Variants in DMD observed in about 807,000 individuals in gnomAD.
DMD encodes the protein mutant dystrophin.
DMD carries 63 observed loss-of-function variants against 330.1 expected under a neutral mutation model. The observed-to-expected ratio is 0.19, with a 90% CI of 0.16 to 0.24. The LOEUF is 0.24. Among genes scored for constraint, DMD ranks in the 10% least tolerant of loss-of-function variants. The probability of loss-of-function intolerance (pLI) is 1.00; values close to 1 mark genes in which losing one functional copy is unlikely to be tolerated. For synonymous variants in DMD, 1,223 were observed against 959.8 expected, an observed-to-expected ratio of 1.27 and a Z score of -5.07; for missense variants, 3,344 against 2,684.1, an observed-to-expected ratio of 1.25 and a Z score of -5.43.
At chrX:32,627,648 C>A (rs1261790847) in intron 11 of DMD, among the ~76,000 whole-genome samples, 1 of 110,617 alleles carries the variant, frequency 9.0e-6, no homozygotes, top group African/African-American at 3.3e-5. Flanking sequence ...CACAATCATG[C>A]AATATTGCCT....
intron 4 of DMD, among the ~76,000 whole-genome samples, chrX:32,833,838 C>G (rs1237165839): frequency 9.1e-6 from 1 of 109,961 alleles, no homozygotes; most frequent in Non-Finnish European, 1.9e-5. Context: ...TAATAGGTAA[C>G]TGGCTATCTC....
intron 44 of DMD, among the ~76,000 whole-genome samples, chrX:32,033,094 C>G (rs1178113364): frequency 8.9e-6 from 1 of 112,166 alleles, no homozygotes; most frequent in Non-Finnish European, 1.9e-5. Flanking sequence ...ATGGATGGAC[C>G]TTAAGATTAC....
intron 1 of DMD, among the ~76,000 whole-genome samples, chrX:33,325,470 C>A (rs758082052): frequency 8.9e-6 from 1 of 112,245 alleles, no homozygotes; most frequent in African/African-American, 3.2e-5. Flanking sequence ...CATCTCATAT[C>A]ATTTGATACA....
At chrX:32,005,567 T>G (rs2095655722) in intron 44 of DMD, among the ~76,000 whole-genome samples, 1 of 110,786 alleles carries the variant, frequency 9.0e-6, no homozygotes, top group Admixed American at 9.7e-5. Context: ...CTCAATGAGA[T>G]GTTCCCTAAC....
chrX:32,853,130 C>T (rs896226319), intron 2 of DMD, among the ~76,000 whole-genome samples: 6 of 112,105 alleles, frequency 5.4e-5, no homozygotes, highest in African/African-American at 1.9e-4. Flanking sequence ...AAATCTCCTT[C>T]CAACAAGAAA....
chrX:32,834,972 C>T (rs1267940012), intron 4 of DMD, among the ~76,000 whole-genome samples: 2 of 110,528 alleles, frequency 1.8e-5, no homozygotes, highest in East Asian at 2.8e-4. Flanking sequence ...TCTTGGGGAG[C>T]GGGGGGTAGT....
chrX:32,898,449 C>T (rs780284049), intron 2 of DMD, among the ~76,000 whole-genome samples: 1 of 112,251 alleles, frequency 8.9e-6, no homozygotes, highest in East Asian at 2.8e-4. Flanking sequence ...CGTTAAACAG[C>T]TATGTTTTAG....
chrX:33,012,923 A>G (rs949001425), intron 2 of DMD, among the ~76,000 whole-genome samples: 1 of 111,050 alleles, frequency 9.0e-6, no homozygotes, highest in Non-Finnish European at 1.9e-5. Flanking sequence ...TCAACTAAAA[A>G]ACTTCCTAAA....
intron 53 of DMD, among the ~76,000 whole-genome samples, chrX:31,676,953 C>T (rs756467798): frequency 3.8e-4 from 42 of 111,598 alleles, no homozygotes; most frequent in African/African-American, 1.4e-3. Flanking sequence ...TACATTGAAT[C>T]TGCAGCAATA....
At chrX:32,534,457 T>C (rs1194958301) in intron 17 of DMD, among the ~76,000 whole-genome samples, 1 of 111,356 alleles carries the variant, frequency 9.0e-6, no homozygotes, top group Non-Finnish European at 1.9e-5. Context: ...TGTCCCATTC[T>C]TCCATGTGAT....
At chrX:33,085,378 C>T (rs899539649) in intron 1 of DMD, among the ~76,000 whole-genome samples, 3 of 110,988 alleles carry the variant, frequency 2.7e-5, no homozygotes, top group African/African-American at 3.3e-5. Flanking sequence ...CACTAAGTGC[C>T]ACCAGTATTA....
chrX:31,924,475 G>C (rs752023822), intron 47 of DMD, among the ~76,000 whole-genome samples: 1 of 112,071 alleles, frequency 8.9e-6, no homozygotes, highest in Non-Finnish European at 1.9e-5. Context: ...AACATGATTA[G>C]AGATTAATAC....
At chrX:31,766,280 C>T (rs1378480966) in intron 51 of DMD, among the ~76,000 whole-genome samples, 4 of 111,753 alleles carry the variant, frequency 3.6e-5, no homozygotes, top group African/African-American at 9.7e-5. Context: ...TTATTTGAGA[C>T]GGAGTTTCGC....
rs1281894764 is a variant in DMD at position 32,452,441 on chromosome X, GA to G, written c.3603+2220del. ...GGAAAGGGAAAGGGAAAGGGAAAGG[GA>G]AAGGAAAGGAAAGGAAAGGAAAGGA... On this transcript the variant is annotated intron_variant, in intron 26 of 78. Coordinates refer to ENST00000357033, the MANE Select transcript of DMD (RefSeq NM_004006.3). Among the ~76,000 whole-genome samples, 2 of 5,607 alleles carry G rather than the reference GA, an allele frequency of 3.6e-4. 1 individual carries two copies. The highest frequency in any genetic ancestry group is 8.7e-4 in the African/African-American group (2 of 2,292). The allele number at this position is 5,607 out of a possible 115,157, so 4.9% of individuals were successfully genotyped here.
intron 47 of DMD, among the ~76,000 whole-genome samples, chrX:31,925,211 T>C (rs750957902): frequency 1.8e-5 from 2 of 111,918 alleles, no homozygotes; most frequent in African/African-American, 6.5e-5. Context: ...AATATTAGGA[T>C]ATTATCCACA....
At chrX:32,254,311 G>A (rs1316095658) in intron 43 of DMD, among the ~76,000 whole-genome samples, 2 of 111,393 alleles carry the variant, frequency 1.8e-5, no homozygotes, top group Non-Finnish European at 3.8e-5. Context: ...CAAATTGCTG[G>A]GATTACAGGC....
chrX:31,838,977 G>T (rs1440457230), intron 48 of DMD, among the ~76,000 whole-genome samples: 3 of 111,718 alleles, frequency 2.7e-5, no homozygotes, highest in Non-Finnish European at 5.7e-5. Flanking sequence ...TAAGCATTAA[G>T]AAATTTTACT....
At chrX:32,126,747 G>A (rs1179551184) in intron 44 of DMD, among the ~76,000 whole-genome samples, 2 of 111,734 alleles carry the variant, frequency 1.8e-5, no homozygotes, top group East Asian at 5.6e-4. Context: ...TCTACTTCAT[G>A]AGCACAAAGA....
At chrX:32,767,558 G>A (rs772461926) in intron 7 of DMD, among the ~76,000 whole-genome samples, 2 of 111,354 alleles carry the variant, frequency 1.8e-5, no homozygotes, top group African/African-American at 6.5e-5. Flanking sequence ...TATTTTAGAG[G>A]CAGTCTGAAG....
Sources: allele counts gnomAD v4.1 joint callset (sites outside exome capture counted in the v4.1 genomes callset), GRCh38; gene constraint gnomAD v4.1.1; transcripts MANE v1.5; gene names NCBI Gene and HGNC (gene_info 2026-07-23, HGNC 2026-07-21).